NCALD: variants seen among roughly 807,000 people sequenced by gnomAD.
The protein encoded by NCALD is neurocalcin delta, also known as neurocalcin-delta.
Under a neutral mutation model 18.6 loss-of-function variants are expected in NCALD, and 10 were observed. The observed-to-expected ratio is 0.54, with a 90% CI of 0.33 to 0.91. The LOEUF is 0.91. Ranked by LOEUF, NCALD falls within the 40% of genes least tolerant of loss-of-function variation. The pLI is 0.03. For synonymous variants in NCALD, 88 were observed against 87.4 expected, an observed-to-expected ratio of 1.01 and a Z score of -0.04; for missense variants, 184 against 247.6, an observed-to-expected ratio of 0.74 and a Z score of 1.72.
At chr8:101,750,487 G>A (rs1810610022) in intron 1 of NCALD, 1 of 152,190 alleles carries the variant, frequency 6.6e-6, no homozygotes, top group African/African-American at 2.4e-5. Context: ...AGGAGAGAAG[G>A]GCGACTGGCA....
At chr8:101,926,113 T>G (rs1818328335) in intron 2 of NCALD, among the ~76,000 whole-genome samples, 1 of 152,122 alleles carries the variant, frequency 6.6e-6, no homozygotes, top group Non-Finnish European at 1.5e-5. Flanking sequence ...CCCACTGCAG[T>G]CTGTCTGATT....
chr8:101,965,658 A>G (rs1819998385), intron 2 of NCALD, among the ~76,000 whole-genome samples: 1 of 152,136 alleles, frequency 6.6e-6, no homozygotes. Context: ...AGAAATATCT[A>G]ATGTAGACAA....
At chr8:102,089,265 G>A (rs1412471179) in intron 1 of NCALD, among the ~76,000 whole-genome samples, 2 of 152,052 alleles carry the variant, frequency 1.3e-5, no homozygotes, top group Non-Finnish European at 2.9e-5. Flanking sequence ...ATGGCGGCAG[G>A]CACCTGTAAT....
At chr8:101,825,559 G>T (rs1197407445) in intron 4 of NCALD, among the ~76,000 whole-genome samples, 1 of 152,218 alleles carries the variant, frequency 6.6e-6, no homozygotes, top group African/African-American at 2.4e-5. Flanking sequence ...GAATTGGACA[G>T]AAATCATGTT....
At chr8:101,937,331 T>C (rs1262083453) in intron 2 of NCALD, among the ~76,000 whole-genome samples, 2 of 152,174 alleles carry the variant, frequency 1.3e-5, no homozygotes, top group African/African-American at 2.4e-5. Context: ...TCTGCTCCTC[T>C]CCCTCCTCCC....
At chr8:102,053,665 A>T (rs1350195479) in intron 1 of NCALD, among the ~76,000 whole-genome samples, 2 of 152,154 alleles carry the variant, frequency 1.3e-5, no homozygotes, top group African/African-American at 4.8e-5. Flanking sequence ...ATACCAGAGG[A>T]ATTAGATGTC....
intron 4 of NCALD, among the ~76,000 whole-genome samples, chr8:101,854,867 T>C (rs1023417426): frequency 6.6e-6 from 1 of 152,192 alleles, no homozygotes; most frequent in Non-Finnish European, 1.5e-5. Flanking sequence ...TAAACCTCAA[T>C]GAGTACCTAC....
At chr8:101,879,485 C>T (rs1378778798) in intron 4 of NCALD, among the ~76,000 whole-genome samples, 1 of 152,160 alleles carries the variant, frequency 6.6e-6, no homozygotes, top group Non-Finnish European at 1.5e-5. Flanking sequence ...AGTGTTACAG[C>T]TCATAAAGAC....
intron 4 of NCALD, among the ~76,000 whole-genome samples, chr8:101,847,938 AAAG>A (rs1814935241): frequency 1.3e-5 from 2 of 152,186 alleles, no homozygotes; most frequent in African/African-American, 4.8e-5. Context: ...TGGCCCTTGA[AAAG>A]AAGATGCTGG....
chr8:101,894,249 C>G (rs1355657831), intron 3 of NCALD, among the ~76,000 whole-genome samples: 4 of 126,490 alleles, frequency 3.2e-5, no homozygotes, highest in Admixed American at 7.9e-5. Context: ...GAACAACCTG[C>G]TCCTGAATGA....
At chr8:101,820,118 G>C (rs1813660781) in intron 4 of NCALD, among the ~76,000 whole-genome samples, 1 of 152,196 alleles carries the variant, frequency 6.6e-6, no homozygotes, top group Non-Finnish European at 1.5e-5. Context: ...GGGACTTCAG[G>C]AATGAAGCAG....
chr8:101,841,707 C>T (rs1234643074), intron 4 of NCALD, among the ~76,000 whole-genome samples: 1 of 152,092 alleles, frequency 6.6e-6, no homozygotes, highest in Non-Finnish European at 1.5e-5. Context: ...CCATTCCAGC[C>T]AAAGAGGGTG....
Position 101,697,316 on chromosome 8 carries a change from C to G in NCALD, c.379-4420G>C, listed in dbSNP as rs111971858. Among the ~76,000 whole-genome samples, 1,027 of 152,200 alleles carry G rather than the reference C, an allele frequency of 6.7e-3. 15 individuals carry two copies. Among genetic ancestry groups the G allele is most frequent in the African/African-American group, 0.023 (965 of 41,532 alleles). On this transcript the variant is annotated intron_variant, in intron 2 of 3. Coordinates refer to ENST00000220931, the MANE Select transcript of NCALD (RefSeq NM_032041.3). ...AGGCAGTAATTAATAGCCTACCAAC[C>G]TAAAAAAGCCCAGGACCAGATGGAT...
chr8:101,937,626 G>A (rs1818812609), intron 2 of NCALD, among the ~76,000 whole-genome samples: 1 of 152,076 alleles, frequency 6.6e-6, no homozygotes, highest in Non-Finnish European at 1.5e-5. Flanking sequence ...TATTGTGAAT[G>A]GTGCTGCAAT....
At chr8:101,823,970 T>C (rs1391766642) in intron 4 of NCALD, among the ~76,000 whole-genome samples, 1 of 152,212 alleles carries the variant, frequency 6.6e-6, no homozygotes, top group Non-Finnish European at 1.5e-5. Flanking sequence ...TACATTTAAA[T>C]TTCCTTTTGA....
chr8:101,925,589 A>C (rs1818309342), intron 2 of NCALD, among the ~76,000 whole-genome samples: 1 of 152,186 alleles, frequency 6.6e-6, no homozygotes, highest in African/African-American at 2.4e-5. Flanking sequence ...GCTGTCTCAC[A>C]GACACATTAT....
intron 1 of NCALD, among the ~76,000 whole-genome samples, chr8:102,107,821 T>G (rs1825521852): frequency 6.6e-6 from 1 of 152,218 alleles, no homozygotes; most frequent in African/African-American, 2.4e-5. Flanking sequence ...GTCCTTCTTT[T>G]ATGGAAATGC....
intron 4 of NCALD, among the ~76,000 whole-genome samples, chr8:101,819,705 TAAAG>T (rs1415207537): frequency 1.3e-5 from 2 of 152,188 alleles, no homozygotes; most frequent in Non-Finnish European, 2.9e-5. Context: ...TTTGGGATCT[TAAAG>T]AAGGAATGAA....
chr8:101,695,460 GC>G (rs1424454987), intron 2 of NCALD, among the ~76,000 whole-genome samples: 2 of 152,080 alleles, frequency 1.3e-5, no homozygotes, highest in African/African-American at 2.4e-5. Context: ...CTCCACAAAG[GC>G]TGTTGTCAAG....
Sources: gnomAD v4.1 joint callset for allele counts (sites outside exome capture counted in the v4.1 genomes callset) on GRCh38, gnomAD v4.1.1 for gene constraint, MANE v1.5 for transcripts, NCBI Gene and HGNC (gene_info 2026-07-23, HGNC 2026-07-21) for gene names.